Variants in NOTCH1 observed in about 807,000 individuals in gnomAD.
NOTCH1 encodes the protein notch receptor 1.
A neutral mutation model predicts 254.8 loss-of-function variants in NOTCH1; 37 were observed. The observed-to-expected ratio is 0.15, with a 90% CI of 0.11 to 0.19. The LOEUF (loss-of-function observed/expected upper bound fraction) is 0.19. Ranked by LOEUF, NOTCH1 falls within the 10% of genes least tolerant of loss-of-function variation. The probability of loss-of-function intolerance (pLI) is 1.00; values close to 1 mark genes in which losing one functional copy is unlikely to be tolerated. For missense variants in NOTCH1, 2,972 were observed against 3,708.6 expected, an observed-to-expected ratio of 0.80 and a Z score of 5.16; for synonymous variants, 1,731 against 1,618.1, an observed-to-expected ratio of 1.07 and a Z score of -1.68.
At position 136,503,217 on chromosome 9, in the gene NOTCH1, C is replaced by T. The variant is rs2133333235; in HGVS notation, c.5132G>A (p.Ser1711Asn). ...CTCGATCTTGTAGGGGATGTTGAGGCTGCCCAGCGAGGCGAGCGCTCCCAG... is the reference window on the plus strand; with the variant it reads ...CTCGATCTTGTAGGGGATGTTGAGGTTGCCCAGCGAGGCGAGCGCTCCCAG... The part of the protein sequence containing the change: ...AFLGALASLG[S>N]LNIPYKIEAV... Residue 1711 changes from serine (S) to asparagine (N), a missense_variant, in exon 27 of 34, where the codon AGC (serine) becomes AAC (asparagine). Ser to Asn is a conservative substitution (Grantham distance 46). Transcript: ENST00000651671. 1.2e-6 allele frequency: 2 copies of T among 1,612,908 alleles called. No homozygotes were observed. The highest frequency in any genetic ancestry group is 1.7e-6 in the Non-Finnish European group (2 of 1,180,014).
Position 136,511,420 on chromosome 9 carries a change from G to A in NOTCH1, c.2468-149C>T, listed in dbSNP as rs925465164. On this transcript the variant is annotated intron_variant, in intron 15 of 33. Transcript: ENST00000651671. ...TGCACCGAGACCCCTGAGCGCTCCC[G>A]GCTGTGCCAGGACCCTGACCCAGGG... The A allele has an allele frequency of 8.1e-5, 79 of 971,840 alleles. No homozygotes were observed. The Admixed American group carries it at 1.4e-3, about 17-fold the overall frequency. 60.2% of individuals were successfully genotyped at this position (971,840 alleles called of 1,614,324 possible). A position where few individuals can be genotyped will look rare whatever the true frequency, so the allele number is the denominator to read the frequency against.
In NOTCH1 at chr9:136,508,365, G is replaced by C. The variant is rs587778565; in HGVS notation, c.3192C>G (p.Asp1064Glu). Residue 1064 changes from aspartate to glutamate, a missense_variant, in exon 20 of 34, where the codon GAC becomes GAG. Coordinates refer to ENST00000651671, the MANE Select transcript of NOTCH1 (RefSeq NM_017617.5). Reference sequence around the variant, plus strand: ...TGCCGCCGTTCTTGCAGGGCGAGGAGTCACACCAGTGCACAAGGTTCTGGG... The same window carrying C: ...TGCCGCCGTTCTTGCAGGGCGAGGACTCACACCAGTGCACAAGGTTCTGGG... ...PNCQNLVHWC[D>E]SSPCKNGGKC... 1.2e-6 allele frequency: 2 copies of C among 1,613,128 alleles called. No homozygotes were observed. The highest frequency in any genetic ancestry group is 2.7e-5 in the African/African-American group (2 of 74,918).
At position 136,513,619 on chromosome 9, in the gene NOTCH1, CT is replaced by C; in HGVS notation, c.2208-83del. On this transcript the variant is annotated intron_variant, in intron 13 of 33. Transcript: ENST00000651671. This position sits in a 1 kb window ranked among gnomAD's most constrained non-coding sequence, Gnocchi z 4.7. ...TGGGCACTCCCGGGTCTGCAATGCCCTATGGGCTGGCGGAGGTGCCCATCCA... is the reference window on the plus strand; with the variant it reads ...TGGGCACTCCCGGGTCTGCAATGCCCATGGGCTGGCGGAGGTGCCCATCCA... 1 of 1,528,726 alleles carries C rather than the reference CT, an allele frequency of 6.5e-7. No homozygotes were observed. Among genetic ancestry groups the C allele is most frequent in the South Asian group, 1.1e-5 (1 of 87,574 alleles). The allele number at this position is 1,528,726 out of a possible 1,614,324, so 94.7% of individuals were successfully genotyped here.
intron 2 of NOTCH1, among the ~76,000 whole-genome samples, chr9:136,542,404 G>A (rs1218781705): frequency 2.6e-5 from 4 of 151,996 alleles, no homozygotes; most frequent in South Asian, 4.1e-4. Context: ...TTAATCACAC[G>A]GCATTAATCC....
At position 136,496,029 on chromosome 9, in the gene NOTCH1, A is replaced by G. The variant is rs2133313429; in HGVS notation, c.*42T>C. 1 of 1,575,950 alleles carries G rather than the reference A, an allele frequency of 6.3e-7. No individual in the cohort carries two copies. Among genetic ancestry groups the G allele is most frequent in the South Asian group, 1.1e-5 (1 of 87,434 alleles). ...TCCACAGAGCGCACACAGACGCCCGAAGGCTTGGGAAAGGAAGCCGGGGTC... is the reference window on the plus strand; with the variant it reads ...TCCACAGAGCGCACACAGACGCCCGGAGGCTTGGGAAAGGAAGCCGGGGTC... On this transcript the variant is annotated 3_prime_UTR_variant, in exon 34 of 34. Coordinates refer to ENST00000651671, the MANE Select transcript of NOTCH1 (RefSeq NM_017617.5).
At chr9:136,541,024 C>A (rs546036002) in intron 2 of NOTCH1, among the ~76,000 whole-genome samples, 1 of 152,196 alleles carries the variant, frequency 6.6e-6, no homozygotes, top group Non-Finnish European at 1.5e-5. Context: ...CTTGCTCACA[C>A]TGACGGAGCT....
At chr9:136,536,631 G>A (rs1423353950) in intron 2 of NOTCH1, among the ~76,000 whole-genome samples, 2 of 152,242 alleles carry the variant, frequency 1.3e-5, no homozygotes, top group Non-Finnish European at 2.9e-5. Flanking sequence ...GTCCCAGCCA[G>A]CGTGGAAGCT....
In NOTCH1 at chr9:136,506,637, G is replaced by A. The variant is rs767910707; in HGVS notation, c.3904C>T (p.Arg1302Cys). Reference protein sequence around the residue: ...HCECRAGHTGRRCESVINGCK... With the variant: ...HCECRAGHTGCRCESVINGCK... ...CCATTGATGACGGACTCGCAGCGGC[G>A]CCCTAGGGGTAAGAGCAGGGCAGTG... Residue 1302 changes from arginine (R) to cysteine (C), a missense_variant and splice_region_variant, in exon 24 of 34, where the codon CGC becomes TGC. Arg to Cys is a radical substitution (Grantham distance 180). Around this residue, in one of 8 missense-constraint regions of NOTCH1, gnomAD observed 1,343 missense variants for 1,557.0 expected, o/e 0.86. Coordinates refer to ENST00000651671, the MANE Select transcript of NOTCH1 (RefSeq NM_017617.5). This position sits in a 1 kb window ranked among gnomAD's most constrained non-coding sequence, Gnocchi z 4.5. 1.0e-5 allele frequency: 16 copies of A among 1,605,484 alleles called. No individual in the cohort carries two copies. The highest frequency in any genetic ancestry group is 2.2e-5 in the South Asian group (2 of 89,812).
chr9:136,522,891 C>T lies in NOTCH1; in HGVS notation c.701G>A (p.Arg234His), dbSNP rs150737112. The T allele has an allele frequency of 4.8e-4, 737 of 1,533,444 alleles. 1 individual carries two copies. The highest frequency in any genetic ancestry group is 1.1e-3 in the Admixed American group (58 of 51,278). The allele number at this position is 1,533,444 out of a possible 1,614,324, so 95.0% of individuals were successfully genotyped here. A position where few individuals can be genotyped will look rare whatever the true frequency, so the allele number is the denominator to read the frequency against. Residue 234 changes from arginine (R) to histidine (H), a missense_variant, in exon 4 of 34, where the codon CGC becomes CAC. Physicochemically the swap from Arg to His is conservative, Grantham distance 29. This residue lies in a region of NOTCH1 where 374 missense variants were observed against 496.3 expected (regional missense o/e 0.75). Coordinates refer to ENST00000651671, the MANE Select transcript of NOTCH1 (RefSeq NM_017617.5). The stretch of plus-strand genomic sequence containing the variant: ...CTCGTGGGTGACGTCGCCCGTGGGG[C>T]GGCAGGTGCCCCCGTTCTGGCAGGG... Reference protein sequence around the residue: ...PSPCQNGGTCRPTGDVTHECA... With the variant: ...PSPCQNGGTCHPTGDVTHECA...
chr9:136,496,220 G>A lies in NOTCH1; in HGVS notation c.7519C>T (p.His2507Tyr), dbSNP rs2133314403. ...TCAGGGGACGGGGTGAGGAAGGGGT[G>A]CTCAGGCACCTGTAGCTGGTGGCTG... ...TPSHQLQVPE[H>Y]PFLTPSPESP... The change falls in exon 34 of 34, where the codon CAC (histidine) becomes TAC (tyrosine). Residue 2507 changes from histidine (H) to tyrosine (Y), a missense_variant. His to Tyr is a moderately conservative substitution (Grantham distance 83, BLOSUM62 2). Transcript: ENST00000651671. 1 of 1,608,280 alleles carries A rather than the reference G, an allele frequency of 6.2e-7. No individual in the cohort carries two copies. Among genetic ancestry groups the A allele is most frequent in the South Asian group, 1.1e-5 (1 of 90,178 alleles).
At chr9:136,512,817 C>A (rs930113353) in intron 15 of NOTCH1, among the ~76,000 whole-genome samples, 4 of 152,134 alleles carry the variant, frequency 2.6e-5, no homozygotes, top group Non-Finnish European at 5.9e-5. Context: ...ACTGCAGGGG[C>A]CTAAGGCACT....
chr9:136,507,172 G>A, intron 22 of NOTCH1, 133 bp downstream of exon 22: 1 of 1,527,758 alleles, frequency 6.5e-7, no homozygotes, highest in Non-Finnish European at 9.0e-7. Context: ...CTGTGAGTCG[G>A]CCTTGGCCTC....
rs1454739374 is a variant in NOTCH1 at position 136,508,405 on chromosome 9, A to G, written c.3172-20T>C. On this transcript the variant is annotated intron_variant, in intron 19 of 33. Transcript: ENST00000651671. ...AAGGTTCTGGGGACAGATTGGGGTC[A>G]GCTGGGTGCCCGCGCCCCGGCCATT... The G allele has an allele frequency of 6.2e-7, 1 of 1,612,960 alleles. No homozygotes were observed. The highest frequency in any genetic ancestry group is 2.2e-5 in the East Asian group (1 of 44,874).
chr9:136,532,500 GC>G (rs1843577489), intron 2 of NOTCH1, among the ~76,000 whole-genome samples: 2 of 152,146 alleles, frequency 1.3e-5, no homozygotes, highest in Non-Finnish European at 2.9e-5. Context: ...TCCTGGAGGG[GC>G]CCCCACAGCA....
chr9:136,541,422 A>G (rs1843730854), intron 2 of NOTCH1, among the ~76,000 whole-genome samples: 1 of 152,168 alleles, frequency 6.6e-6, no homozygotes, highest in Admixed American at 6.5e-5. Context: ...GGAGGCAGCA[A>G]ATGGCACCAA....
rs1471422073 is a variant in NOTCH1, at chr9:136,496,703, T to C, written c.7036A>G (p.Met2346Val). 1 of 1,612,792 alleles carries C rather than the reference T, an allele frequency of 6.2e-7. No individual in the cohort carries two copies. The highest frequency in any genetic ancestry group is 8.5e-7 in the Non-Finnish European group (1 of 1,179,946). ...STQAPSLQHG[M>V]VGPLHSSLAA... ...AGGCTACTGTGCAGCGGGCCTACCA[T>C]GCCATGCTGCAGGGAGGGGGCCTGT... The change falls in exon 34 of 34, where the codon ATG becomes GTG. Residue 2346 changes from methionine (M) to valine (V), a missense_variant. Met to Val is a conservative substitution (Grantham distance 21, BLOSUM62 1). Transcript: ENST00000651671.
Position 136,545,775 on chromosome 9 carries a change from G to A in NOTCH1, c.12C>T (p.Leu4=). 1 of 1,354,692 alleles carries A rather than the reference G, an allele frequency of 7.4e-7. No individual in the cohort carries two copies. Among genetic ancestry groups the A allele is most frequent in the South Asian group, 1.7e-5 (1 of 58,616 alleles). The allele number at this position is 1,354,692 out of a possible 1,614,324, so 83.9% of individuals were successfully genotyped here. MPP[L]LAPLLCLALL... ...GCGCCAGGCAGAGCAGGGGCGCCAG[G>A]AGCGGCGGCATGCCTCCCCACCGGC... The change falls in exon 1 of 34, where the codon CTC becomes CTT. Residue 4 remains leucine (L), a synonymous_variant. Transcript: ENST00000651671. The surrounding 1 kb of genome is among the most constrained non-coding windows in gnomAD (Gnocchi z 6.8).
At position 136,506,951 on chromosome 9, in the gene NOTCH1, C is replaced by T. The variant is rs2133344273; in HGVS notation, c.3666G>A (p.Val1222=). 1 of 1,609,636 alleles carries T rather than the reference C, an allele frequency of 6.2e-7. No individual in the cohort carries two copies. The highest frequency in any genetic ancestry group is 8.5e-7 in the Non-Finnish European group (1 of 1,178,770). Residue 1222 remains valine (V), a synonymous_variant, in exon 23 of 34, where the codon GTG becomes GTA. Transcript: ENST00000651671. This position sits in a 1 kb window ranked among gnomAD's most constrained non-coding sequence, Gnocchi z 4.5. ...GGTCAACGGGGGGATTGCAGTCGTC[C>T]ACGTTGATCTCACAGTGCACACCTG... The part of the protein sequence containing the change: ...GTQGVHCEIN[V]DDCNPPVDPV...
rs1334356584 is a variant in NOTCH1 at position 136,545,702 on chromosome 9, G to C, written c.61+24C>G. The C allele has an allele frequency of 1.6e-5, 23 of 1,441,480 alleles. No individual in the cohort carries two copies. Among genetic ancestry groups the C allele is most frequent in the Non-Finnish European group, 1.9e-5 (21 of 1,102,192 alleles). 89.3% of individuals were successfully genotyped at this position (1,441,480 alleles called of 1,614,324 possible). ...TTTCCAAAGGGCGCGGAAAGTGGGG[G>C]CTCGCGGGTGGGTGGGCGCCTACCT... is the stretch of plus-strand genomic sequence containing the variant. On this transcript the variant is annotated intron_variant, in intron 1 of 33. Coordinates refer to ENST00000651671, the MANE Select transcript of NOTCH1 (RefSeq NM_017617.5). The surrounding 1 kb of genome is among the most constrained non-coding windows in gnomAD (Gnocchi z 6.8).
Sources: allele counts gnomAD v4.1 joint callset (sites outside exome capture counted in the v4.1 genomes callset), GRCh38; gene constraint gnomAD v4.1.1; regional missense constraint gnomAD v4.1.1; non-coding constraint Gnocchi (gnomAD v3.1); transcripts MANE v1.5; gene names NCBI Gene and HGNC (gene_info 2026-07-23, HGNC 2026-07-21).